Variants in EYS observed in about 807,000 individuals in gnomAD.
EYS encodes the protein EGF-like photoreceptor maintenance factor, also known as protein eyes shut homolog.
In EYS, 250 loss-of-function variants were observed where a neutral mutation model predicts 282.1. The observed-to-expected ratio is 0.89, with a 90% CI of 0.80 to 0.98. The LOEUF is 0.98. Among genes scored for constraint, EYS ranks in the 50% least tolerant of loss-of-function variants. The probability of loss-of-function intolerance (pLI) is 0.00; values close to 1 mark genes in which losing one functional copy is unlikely to be tolerated. For missense variants in EYS, 4,016 were observed against 3,709.0 expected (o/e 1.08, Z -2.15); for synonymous variants, 1,355 against 1,282.9 (o/e 1.06, Z -1.20).
chr6:63,762,599 A>C lies in EYS; in HGVS notation c.7933T>G (p.Cys2645Gly). 1 of 1,550,310 alleles carries C rather than the reference A, an allele frequency of 6.5e-7. No individual in the cohort carries two copies. The highest frequency in any genetic ancestry group is 8.7e-7 in the Non-Finnish European group (1 of 1,146,026). ...TCACAGGTAGAAACTGTCTCTGTGC[A>C]GAATGATCCTTTCCACCCAGTGGTA... Reference protein sequence around the residue: ...NCTTGWKGSFCTETVSTCDPE... With the variant: ...NCTTGWKGSFGTETVSTCDPE... Residue 2645 changes from cysteine to glycine, a missense_variant, in exon 41 of 43, where the codon TGC becomes GGC. Physicochemically the swap from Cys to Gly is radical, Grantham distance 159 (BLOSUM62 -3). Transcript: ENST00000503581.
At chr6:64,752,485 T>C (rs1190354564) in intron 22 of EYS, among the ~76,000 whole-genome samples, 1 of 152,108 alleles carries the variant, frequency 6.6e-6, no homozygotes, top group African/African-American at 2.4e-5. Context: ...ATATAAACAC[T>C]GCATTCAAAA....
At chr6:65,005,628 C>T (rs1006675593) in intron 13 of EYS, among the ~76,000 whole-genome samples, 5 of 147,698 alleles carry the variant, frequency 3.4e-5, no homozygotes, top group African/African-American at 1.2e-4. Flanking sequence ...TTAGCATGGC[C>T]GCTGGACTTA....
chr6:63,839,846 G>GT (rs2149696666), intron 36 of EYS, among the ~76,000 whole-genome samples: 1 of 152,248 alleles, frequency 6.6e-6, no homozygotes, highest in East Asian at 1.9e-4. Context: ...CAACAGTAAT[G>GT]TAAGTGTACA....
chr6:63,882,390 G>A (rs1393028184), intron 35 of EYS, among the ~76,000 whole-genome samples: 1 of 152,166 alleles, frequency 6.6e-6, no homozygotes, highest in African/African-American at 2.4e-5. Context: ...GGAGTTCCTT[G>A]ATGTTGTTCC....
At chr6:64,569,677 C>A (rs905555279) in intron 26 of EYS, among the ~76,000 whole-genome samples, 1 of 151,816 alleles carries the variant, frequency 6.6e-6, no homozygotes, top group Non-Finnish European at 1.5e-5. Flanking sequence ...GGAGGCGGAG[C>A]TTGCAGTGAG....
chr6:65,458,329 C>T (rs1764704499), intron 5 of EYS, among the ~76,000 whole-genome samples: 1 of 152,120 alleles, frequency 6.6e-6, no homozygotes, highest in South Asian at 2.1e-4. Flanking sequence ...TCATTCTCCA[C>T]CAACCTATGA....
intron 26 of EYS, among the ~76,000 whole-genome samples, chr6:64,518,809 C>T (rs992323312): frequency 6.8e-5 from 10 of 147,986 alleles, no homozygotes; most frequent in South Asian, 4.3e-4. Flanking sequence ...ACTCATTCTT[C>T]GCCTTGCTGC....
At chr6:64,870,966 T>C (rs1173899279) in intron 19 of EYS, among the ~76,000 whole-genome samples, 2 of 151,784 alleles carry the variant, frequency 1.3e-5, no homozygotes, top group Non-Finnish European at 2.9e-5. Context: ...TGGACCAACA[T>C]ACACACTGTG....
intron 35 of EYS, among the ~76,000 whole-genome samples, chr6:63,961,657 C>T (rs1457236701): frequency 2.0e-5 from 3 of 152,052 alleles, no homozygotes; most frequent in Non-Finnish European, 2.9e-5. Context: ...CACATGGACA[C>T]GTATGACAGA....
chr6:64,134,983 T>G (rs1774111752), intron 31 of EYS, among the ~76,000 whole-genome samples: 1 of 152,090 alleles, frequency 6.6e-6, no homozygotes, highest in Non-Finnish European at 1.5e-5. Context: ...TTAAATACAT[T>G]TTTCATTGCA....
intron 26 of EYS, among the ~76,000 whole-genome samples, chr6:64,522,891 G>T (rs913021600): frequency 6.6e-6 from 1 of 151,828 alleles, no homozygotes; most frequent in East Asian, 1.9e-4. Flanking sequence ...AAGATGAAAA[G>T]AAAATAGCTC....
chr6:65,373,690 A>G (rs1258217719), intron 8 of EYS, among the ~76,000 whole-genome samples: 1 of 152,150 alleles, frequency 6.6e-6, no homozygotes, highest in Non-Finnish European at 1.5e-5. Flanking sequence ...ACAAGGCCAA[A>G]TGGATTCATC....
At chr6:63,742,512 G>C (rs1464084293) in intron 41 of EYS, among the ~76,000 whole-genome samples, 2 of 152,110 alleles carry the variant, frequency 1.3e-5, no homozygotes, top group East Asian at 3.9e-4. Flanking sequence ...TTTCCTTGTG[G>C]CAAGAGCCTT....
intron 9 of EYS, among the ~76,000 whole-genome samples, chr6:65,345,226 A>G (rs1770349570): frequency 6.6e-6 from 1 of 151,838 alleles, no homozygotes; most frequent in East Asian, 1.9e-4. Flanking sequence ...TATAAATTTA[A>G]GATTACAGAA....
chr6:65,214,594 C>A (rs1766265144), intron 12 of EYS, among the ~76,000 whole-genome samples: 1 of 152,182 alleles, frequency 6.6e-6, no homozygotes, highest in Admixed American at 6.5e-5. Flanking sequence ...ACAAGCTATC[C>A]AGGAAAACTA....
At position 64,673,215 on chromosome 6, in the gene EYS, T is replaced by G. The variant is rs1769528125; in HGVS notation, c.3444-46970A>C. ...ATCTTGATAGACTCTTTTAGAATCT[T>G]CTCACTCCTCACATAGAGAAACAGT... is the stretch of plus-strand genomic sequence containing the variant. On this transcript the variant is annotated intron_variant, in intron 22 of 42. Transcript: ENST00000503581. Among the ~76,000 whole-genome samples the G allele has an allele frequency of 2.6e-5, 4 of 152,112 alleles. No homozygotes were observed. In the South Asian group the frequency reaches 8.3e-4, roughly 32 times the overall value.
intron 34 of EYS, among the ~76,000 whole-genome samples, chr6:63,991,583 C>T (rs902276938): frequency 2.0e-5 from 3 of 151,382 alleles, no homozygotes; most frequent in Admixed American, 6.6e-5. Context: ...TACAGAATTT[C>T]AACGGCAGGC....
At chr6:64,380,161 T>A (rs913705083) in intron 29 of EYS, among the ~76,000 whole-genome samples, 1 of 152,042 alleles carries the variant, frequency 6.6e-6, no homozygotes, top group Non-Finnish European at 1.5e-5. Flanking sequence ...ATTATAGACA[T>A]CATTCTCTCT....
At chr6:64,634,333 A>G (rs559284250) in intron 22 of EYS, among the ~76,000 whole-genome samples, 13 of 152,192 alleles carry the variant, frequency 8.5e-5, no homozygotes, top group African/African-American at 1.2e-4. Flanking sequence ...TGTTATATGC[A>G]ATACATAATT....
Sources: allele counts gnomAD v4.1 joint callset (sites outside exome capture counted in the v4.1 genomes callset), GRCh38; gene constraint gnomAD v4.1.1; transcripts MANE v1.5; gene names NCBI Gene and HGNC (gene_info 2026-07-23, HGNC 2026-07-21).